The following ANKS1B variants were observed in gnomAD, a reference collection of about 807,000 sequenced individuals.
ANKS1B encodes ankyrin repeat and sterile alpha motif domain containing 1B, also known as ankyrin repeat and sterile alpha motif domain-containing protein 1B.
In ANKS1B, 36 loss-of-function variants were observed where a neutral mutation model predicts 148.3. That is an observed-to-expected ratio of 0.24 (90% CI 0.19 to 0.32). The LOEUF (loss-of-function observed/expected upper bound fraction) is 0.32. ANKS1B is among the 10% of genes least tolerant of loss of function. The pLI is 1.00. For synonymous variants in ANKS1B, 542 were observed against 560.8 expected (o/e 0.97, Z 0.47); for missense variants, 1,157 against 1,542.6 (o/e 0.75, Z 4.19).
chr12:99,679,115 T>C (rs375972964), intron 8 of ANKS1B, among the ~76,000 whole-genome samples: 7 of 152,166 alleles, frequency 4.6e-5, no homozygotes, highest in African/African-American at 1.7e-4. Flanking sequence ...TGAACCCTGA[T>C]AGGTATCAAG....
chr12:99,646,458 C>T lies in ANKS1B; in HGVS notation c.1272+8609G>A, dbSNP rs565794833. 9.9e-5 allele frequency among the ~76,000 whole-genome samples: 15 copies of T among 152,046 alleles called. No homozygotes were observed. In the South Asian group the frequency reaches 1.7e-3, roughly 17 times the overall value. On this transcript the variant is annotated intron_variant, in intron 9 of 26. Transcript: ENST00000683438. Reference sequence around the variant, plus strand: ...GAATCACGAGGTCAGGAGTTCGAGACCAGCCTGAGCAATATGGTGAAACCC... The same window carrying T: ...GAATCACGAGGTCAGGAGTTCGAGATCAGCCTGAGCAATATGGTGAAACCC...
At chr12:98,968,724 A>G (rs1049388648) in intron 17 of ANKS1B, among the ~76,000 whole-genome samples, 17 of 152,038 alleles carry the variant, frequency 1.1e-4, no homozygotes, top group African/African-American at 4.1e-4. Flanking sequence ...AAATGCAGAG[A>G]CTAATAATGA....
intron 11 of ANKS1B, among the ~76,000 whole-genome samples, chr12:99,429,116 C>T (rs1371602786): frequency 6.6e-6 from 1 of 152,078 alleles, no homozygotes; most frequent in Non-Finnish European, 1.5e-5. Flanking sequence ...AGTACCTCCC[C>T]ACAAATGTAT....
chr12:98,789,026 T>C (rs749995031), intron 22 of ANKS1B, among the ~76,000 whole-genome samples: 7 of 152,208 alleles, frequency 4.6e-5, no homozygotes, highest in Non-Finnish European at 1.0e-4. Context: ...CAGTTCATAA[T>C]GACAGATTCA....
intron 14 of ANKS1B, among the ~76,000 whole-genome samples, chr12:99,161,983 T>C (rs2076699063): frequency 6.6e-6 from 1 of 152,140 alleles, no homozygotes; most frequent in African/African-American, 2.4e-5. Flanking sequence ...TGACTATTAC[T>C]TGACAATAAA....
rs1555259051 is a variant in ANKS1B at position 98,757,939 on chromosome 12, T to TGTGTGTGTGTGTGTGTGTGCAC, written c.3580-6439_3580-6418dup. On this transcript the variant is annotated intron_variant, in intron 25 of 26. Transcript: ENST00000683438. Reference sequence around the variant, plus strand: ...CTGCATGTGTGTGCATGTGTGCACGTGTGTGTGTGTGTGTGTGTGCACACG... The same window carrying TGTGTGTGTGTGTGTGTGTGCAC: ...CTGCATGTGTGTGCATGTGTGCACGTGTGTGTGTGTGTGTGTGTGCACGTGTGTGTGTGTGTGTGTGCACACG... Among the ~76,000 whole-genome samples the TGTGTGTGTGTGTGTGTGTGCAC allele has an allele frequency of 5.4e-3, 625 of 116,002 alleles. 14 individuals carry two copies. The East Asian group carries it at 0.094, about 17-fold the overall frequency. 76.1% of individuals were successfully genotyped at this position (116,002 alleles called of 152,430 possible).
intron 9 of ANKS1B, among the ~76,000 whole-genome samples, chr12:99,619,367 G>T (rs2098015684): frequency 6.6e-6 from 1 of 151,920 alleles, no homozygotes; most frequent in Admixed American, 6.6e-5. Context: ...AATGTGGCCA[G>T]ACCTCCAGGC....
At chr12:98,943,870 T>G (rs2099840878) in intron 17 of ANKS1B, among the ~76,000 whole-genome samples, 1 of 152,194 alleles carries the variant, frequency 6.6e-6, no homozygotes, top group Non-Finnish European at 1.5e-5. Context: ...TGTTGAAATG[T>G]AATCTCCAGC....
chr12:99,882,418 G>A (rs2092571880), intron 1 of ANKS1B, among the ~76,000 whole-genome samples: 1 of 152,184 alleles, frequency 6.6e-6, no homozygotes, highest in South Asian at 2.1e-4. Flanking sequence ...AAAGTTCAGT[G>A]AACTCCAAAA....
At chr12:99,544,394 G>A (rs573228232) in intron 9 of ANKS1B, among the ~76,000 whole-genome samples, 1 of 152,190 alleles carries the variant, frequency 6.6e-6, no homozygotes, top group East Asian at 1.9e-4. Context: ...GTCCCTACCC[G>A]GACTCTGGTT....
intron 11 of ANKS1B, among the ~76,000 whole-genome samples, chr12:99,428,529 T>G (rs1464290593): frequency 1.3e-5 from 2 of 152,206 alleles, no homozygotes; most frequent in Non-Finnish European, 2.9e-5. Flanking sequence ...ATGTGTTGTT[T>G]AGATCGAAAT....
At chr12:99,799,264 T>C (rs2066639170) in intron 4 of ANKS1B, among the ~76,000 whole-genome samples, 1 of 152,092 alleles carries the variant, frequency 6.6e-6, no homozygotes, top group Non-Finnish European at 1.5e-5. Context: ...GAATATTCTT[T>C]AATCAGCCTC....
intron 15 of ANKS1B, among the ~76,000 whole-genome samples, chr12:99,098,619 CTTTTTTTTTTTTT>C (rs71081896): frequency 0.034 from 1,073 of 31,842 alleles, 6 homozygotes; most frequent in Non-Finnish European, 0.052. Flanking sequence ...CTAGGAACTA[CTTTTTTTTTTTTT>C]TTTTTTTTTT....
intron 8 of ANKS1B, among the ~76,000 whole-genome samples, chr12:99,697,716 A>G (rs892845961): frequency 2.0e-5 from 3 of 152,154 alleles, no homozygotes; most frequent in African/African-American, 4.8e-5. Flanking sequence ...CACAAAGAGT[A>G]AAACCCTATA....
At chr12:99,974,491 G>A (rs2153837587) in intron 1 of ANKS1B, among the ~76,000 whole-genome samples, 1 of 152,164 alleles carries the variant, frequency 6.6e-6, no homozygotes, top group Middle Eastern at 3.4e-3. Context: ...TAAATGAGTA[G>A]CAAAAAGAAA....
chr12:98,979,845 A>G (rs1254082387), intron 17 of ANKS1B, among the ~76,000 whole-genome samples: 1 of 151,894 alleles, frequency 6.6e-6, no homozygotes, highest in African/African-American at 2.4e-5. Flanking sequence ...ATTTCTTGAG[A>G]TATTATCCCC....
At chr12:99,555,251 T>C (rs2097263898) in intron 9 of ANKS1B, among the ~76,000 whole-genome samples, 1 of 152,162 alleles carries the variant, frequency 6.6e-6, no homozygotes, top group Non-Finnish European at 1.5e-5. Flanking sequence ...TCCACAATGG[T>C]TGAACTAATT....
At chr12:99,026,555 C>A (rs1241820533) in intron 17 of ANKS1B, among the ~76,000 whole-genome samples, 1 of 151,964 alleles carries the variant, frequency 6.6e-6, no homozygotes, top group Non-Finnish European at 1.5e-5. Flanking sequence ...AGTTTCAGTT[C>A]TCTATTATTC....
intron 14 of ANKS1B, among the ~76,000 whole-genome samples, chr12:99,157,625 A>G (rs1408352099): frequency 6.6e-6 from 1 of 152,024 alleles, no homozygotes; most frequent in East Asian, 1.9e-4. Context: ...CAAAACATAG[A>G]GAGTGGACTA....
Sources: allele counts gnomAD v4.1 joint callset (sites outside exome capture counted in the v4.1 genomes callset), GRCh38; gene constraint gnomAD v4.1.1; transcripts MANE v1.5; gene names NCBI Gene and HGNC (gene_info 2026-07-23, HGNC 2026-07-21).